The following PCDHA5 variants were observed in gnomAD, a reference collection of about 807,000 sequenced individuals.
PCDHA5 encodes protocadherin alpha-5.
A neutral mutation model predicts 61.6 loss-of-function variants in PCDHA5; 43 were observed. The observed-to-expected ratio is 0.70, with a 90% CI of 0.55 to 0.90. The LOEUF is 0.90. PCDHA5 is among the 40% of genes least tolerant of loss of function. The pLI is 0.00. For missense variants in PCDHA5, 1,298 were observed against 1,222.7 expected (o/e 1.06, Z -0.92); for synonymous variants, 627 against 543.9 (o/e 1.15, Z -2.13).
At chr5:140,968,288 C>G in intron 1 of PCDHA5, 2 of 1,613,976 alleles carry the variant, frequency 1.2e-6, no homozygotes, top group South Asian at 2.2e-5. Flanking sequence ...GACCTACTCC[C>G]TTCTGGAGAG....
At chr5:140,836,251 G>T (rs1183967538) in intron 1 of PCDHA5, 39 of 1,613,668 alleles carry the variant, frequency 2.4e-5, no homozygotes, top group Middle Eastern at 3.3e-4. Context: ...ATCCCGTTCC[G>T]CGTGGGGCTG....
intron 1 of PCDHA5, among the ~76,000 whole-genome samples, chr5:140,826,478 G>A (rs1218152841): frequency 6.6e-6 from 1 of 152,136 alleles, no homozygotes; most frequent in Non-Finnish European, 1.5e-5. Flanking sequence ...GCATTTTACT[G>A]TATATCAGAA....
chr5:140,852,752 C>T (rs2042460960), intron 1 of PCDHA5: 1 of 983,598 alleles, frequency 1.0e-6, no homozygotes, highest in Non-Finnish European at 1.2e-6. Context: ...TAAACTTGGA[C>T]CCAGGTATCT....
rs1382379376 is a variant in PCDHA5, at chr5:140,858,936, T to A, written c.2352+34809T>A. On this transcript the variant is annotated intron_variant, in intron 1 of 3. Transcript: ENST00000529859. ...TATACTGCCATAGTAGATTTCAATG[T>A]TCAGTGATTACAGCTTTTTCTCAAT... The A allele has an allele frequency of 1.2e-5, 2 of 160,734 alleles. 1 individual carries two copies. Among genetic ancestry groups the A allele is most frequent in the Non-Finnish European group, 2.7e-5 (2 of 74,452 alleles). The allele number at this position is 160,734 out of a possible 1,614,324, so 10.0% of individuals were successfully genotyped here.
rs565071573 is a variant in PCDHA5, at chr5:141,009,664, G to C, written c.2538G>C (p.Ala846=). 1.7e-4 allele frequency: 273 copies of C among 1,613,982 alleles called. 2 individuals are homozygous for C. In the South Asian group the frequency reaches 2.8e-3, roughly 17 times the overall value. ...GAGAAGTGTCCCCTCCAGTCGGTGC[G>C]GGTGTCAACAGCAACAGCTGGACCT... ...EAGEVSPPVG[A]GVNSNSWTFK... The change falls in exon 4 of 4, where the codon GCG becomes GCC. Residue 846 remains alanine, a synonymous_variant. Transcript: ENST00000529859.
At chr5:140,900,674 T>C (rs782072148) in intron 1 of PCDHA5, among the ~76,000 whole-genome samples, 11 of 152,230 alleles carry the variant, frequency 7.2e-5, no homozygotes, top group African/African-American at 2.4e-4. Context: ...AGTGCAGTTA[T>C]CTCTTCAATA....
chr5:140,841,857 T>G (rs182904804), intron 1 of PCDHA5: 1 of 1,613,742 alleles, frequency 6.2e-7, no homozygotes, highest in Non-Finnish European at 8.5e-7. Context: ...GATTACTTCA[T>G]GCTAGATGTG....
chr5:140,927,099 T>G lies in PCDHA5; in HGVS notation c.2353-51850T>G, dbSNP rs782352775. 10 of 1,613,434 alleles carry G rather than the reference T, an allele frequency of 6.2e-6. No homozygotes were observed. In the South Asian group the frequency reaches 7.7e-5, roughly 12 times the overall value. On this transcript the variant is annotated intron_variant, in intron 1 of 3. Coordinates refer to ENST00000529859, the MANE Select transcript of PCDHA5 (RefSeq NM_018908.3). The stretch of plus-strand genomic sequence containing the variant: ...ACCGCGAGCTCTACTTCGGGGTGGA[T>G]CTACCCAGCGGCAATTTGGTGGTCA...
intron 1 of PCDHA5, among the ~76,000 whole-genome samples, chr5:140,826,807 G>A (rs1769059412): frequency 6.6e-6 from 1 of 152,146 alleles, no homozygotes; most frequent in African/African-American, 2.4e-5. Context: ...TACCTAACAT[G>A]TGATTACATA....
chr5:140,827,842 A>G (rs1769428181), intron 1 of PCDHA5: 1 of 458,490 alleles, frequency 2.2e-6, no homozygotes, highest in Non-Finnish European at 3.7e-6. Flanking sequence ...AAAAGAAGAT[A>G]CTGTTTTAAA....
Position 140,822,208 on chromosome 5 carries a change from A to G in PCDHA5, c.433A>G (p.Arg145Gly), listed in dbSNP as rs949337780. The G allele has an allele frequency of 1.2e-6, 2 of 1,614,272 alleles. No homozygotes were observed. Among genetic ancestry groups the G allele is most frequent in the Non-Finnish European group, 8.5e-7 (1 of 1,180,054 alleles). The change falls in exon 1 of 4, where the codon AGA becomes GGA. Residue 145 changes from arginine to glycine, a missense_variant. Transcript: ENST00000529859. ...QEQRLFILESRMPDSRFPLEG... is the reference protein window; with the variant it reads ...QEQRLFILESGMPDSRFPLEG... ...ACAAAGATTATTCATTTTAGAGTCA[A>G]GAATGCCAGATTCGCGGTTTCCGCT...
At chr5:140,874,957 T>C (rs1330073461) in intron 1 of PCDHA5, among the ~76,000 whole-genome samples, 3 of 152,350 alleles carry the variant, frequency 2.0e-5, no homozygotes, top group African/African-American at 7.2e-5. Flanking sequence ...TTGTAAGCTA[T>C]ATAAGGGGAG....
intron 2 of PCDHA5, among the ~76,000 whole-genome samples, chr5:140,980,822 T>A (rs1433488208): frequency 6.6e-6 from 1 of 152,204 alleles, no homozygotes; most frequent in Non-Finnish European, 1.5e-5. Flanking sequence ...ACATATTAAA[T>A]GAGTTGTGAA....
chr5:140,871,082 C>T, intron 1 of PCDHA5: 1 of 1,613,246 alleles, frequency 6.2e-7, no homozygotes, highest in Non-Finnish European at 8.5e-7. Context: ...GCGCTGACGG[C>T]CACGGCCACC....
At position 140,822,192 on chromosome 5, in the gene PCDHA5, A is replaced by C; in HGVS notation, c.417A>C (p.Leu139Phe). ...GGTTCTCCAGACAAGAACAAAGATT[A>C]TTCATTTTAGAGTCAAGAATGCCAG... Reference protein sequence around the residue: ...PPRFSRQEQRLFILESRMPDS... With the variant: ...PPRFSRQEQRFFILESRMPDS... The change falls in exon 1 of 4, where the codon TTA becomes TTC. Residue 139 changes from leucine (L) to phenylalanine (F), a missense_variant. Leu to Phe is a conservative substitution (Grantham distance 22). Coordinates refer to ENST00000529859, the MANE Select transcript of PCDHA5 (RefSeq NM_018908.3). The C allele has an allele frequency of 6.2e-7, 1 of 1,614,266 alleles. No homozygotes were observed. The highest frequency in any genetic ancestry group is 2.2e-5 in the East Asian group (1 of 44,890).
chr5:140,871,066 G>GA, intron 1 of PCDHA5: 1 of 1,613,276 alleles, frequency 6.2e-7, no homozygotes, highest in South Asian at 1.1e-5. Context: ...GGATCACGGT[G>GA]AGCCGGCGCT....
chr5:140,919,795 A>G (rs1554199259), intron 1 of PCDHA5, among the ~76,000 whole-genome samples: 1 of 152,070 alleles, frequency 6.6e-6, no homozygotes, highest in East Asian at 1.9e-4. Context: ...CTTGTGGTGG[A>G]TTGAATTGTG....
chr5:140,877,793 C>T, intron 1 of PCDHA5: 1 of 1,613,948 alleles, frequency 6.2e-7, no homozygotes, highest in Non-Finnish European at 8.5e-7. Flanking sequence ...GCCTTCAGCC[C>T]AAGCCTTCAG....
At chr5:140,862,306 C>T (rs184682479) in intron 1 of PCDHA5, 3 of 279,438 alleles carry the variant, frequency 1.1e-5, no homozygotes, top group Admixed American at 9.2e-5. Flanking sequence ...CACTGGGTAC[C>T]GTCATAGCCC....
Sources: allele counts gnomAD v4.1 joint callset (sites outside exome capture counted in the v4.1 genomes callset), GRCh38; gene constraint gnomAD v4.1.1; transcripts MANE v1.5; gene names NCBI Gene and HGNC (gene_info 2026-07-23, HGNC 2026-07-21).